Variants in RUBCN observed in about 807,000 individuals in gnomAD.
RUBCN encodes run domain Beclin-1-interacting and cysteine-rich domain-containing protein.
In RUBCN, 74 loss-of-function variants were observed where a neutral mutation model predicts 113.2. The observed-to-expected ratio is 0.65, with a 90% confidence interval of 0.54 to 0.79. The LOEUF is 0.79. RUBCN is among the 30% of genes least tolerant of loss of function. The pLI, the probability that RUBCN is intolerant of heterozygous loss-of-function variation, is 0.00. For synonymous variants in RUBCN, 480 were observed against 490.0 expected, an observed-to-expected ratio of 0.98 and a Z score of 0.27; for missense variants, 1,109 against 1,251.7, an observed-to-expected ratio of 0.89 and a Z score of 1.72.
Position 197,672,198 on chromosome 3 carries a change from T to C in RUBCN, c.*2820A>G, listed in dbSNP as rs1353743970. 6.6e-6 allele frequency: 1 copy of C among 152,166 alleles called. No individual in the cohort carries two copies. Among genetic ancestry groups the C allele is most frequent in the African/African-American group, 2.4e-5 (1 of 41,434 alleles). The allele number at this position is 152,166 out of a possible 1,614,324, so 9.4% of individuals were successfully genotyped here. ...AAAACAGCCTCATTTAAGTGGAAAATATTTGTCTTCCACTCTTCTGCTATG... is the reference window on the plus strand; with the variant it reads ...AAAACAGCCTCATTTAAGTGGAAAACATTTGTCTTCCACTCTTCTGCTATG... On this transcript the variant is annotated 3_prime_UTR_variant, in exon 20 of 20. Coordinates refer to ENST00000296343, the MANE Select transcript of RUBCN (RefSeq NM_014687.4).
intron 7 of RUBCN, chr3:197,699,291 G>A: frequency 8.0e-6 from 10 of 1,257,530 alleles, no homozygotes; most frequent in Admixed American, 4.3e-5. Context: ...AATACAGAGA[G>A]AGAAAAAAAG....
At position 197,674,913 on chromosome 3, in the gene RUBCN, A is replaced by ATT; in HGVS notation, c.*104_*105insAA. 1 of 960,434 alleles carries ATT rather than the reference A, an allele frequency of 1.0e-6. No homozygotes were observed. The highest frequency in any genetic ancestry group is 1.5e-6 in the Non-Finnish European group (1 of 682,256). 59.5% of individuals were successfully genotyped at this position (960,434 alleles called of 1,614,324 possible). On this transcript the variant is annotated 3_prime_UTR_variant, in exon 20 of 20. Coordinates refer to ENST00000296343, the MANE Select transcript of RUBCN (RefSeq NM_014687.4). ...AAAAAAAAGATGATGATAATTAAAA[A>ATT]AAAAAAAAAAAAAAGAAGCCCCAGG...
At chr3:197,676,360 C>T in intron 18 of RUBCN, 1 of 1,004,022 alleles carries the variant, frequency 1.0e-6, no homozygotes, top group Non-Finnish European at 1.2e-6. Flanking sequence ...GTCGCTCAGG[C>T]TGGAGTGCAG....
At chr3:197,712,371 C>T (rs984568155) in intron 2 of RUBCN, among the ~76,000 whole-genome samples, 1 of 152,156 alleles carries the variant, frequency 6.6e-6, no homozygotes, top group Non-Finnish European at 1.5e-5. Flanking sequence ...CATTCCATAA[C>T]GCATCCTCCT....
intron 11 of RUBCN, among the ~76,000 whole-genome samples, chr3:197,692,076 AC>A (rs1367117766): frequency 6.6e-6 from 1 of 151,904 alleles, no homozygotes; most frequent in Non-Finnish European, 1.5e-5. Context: ...GAAAGAACCA[AC>A]CACGTCATTA....
At position 197,701,826 on chromosome 3, in the gene RUBCN, C is replaced by CT. The variant is rs745750977; in HGVS notation, c.608dup (p.Ser204GlufsTer29). On this transcript the variant is annotated frameshift_variant, in exon 6 of 20. Transcript: ENST00000296343. LOFTEE classifies it high-confidence loss of function. ...TGGGCAGGGCTGTCAGGCTCTGGCT[C>CT]TTTGTCACCAGGAGCGGGCTCTCGT... The CT allele has an allele frequency of 6.2e-7, 1 of 1,614,170 alleles. No homozygotes were observed. Among genetic ancestry groups the CT allele is most frequent in the Admixed American group, 1.7e-5 (1 of 60,030 alleles).
chr3:197,709,182 G>A (rs143869651), intron 2 of RUBCN, among the ~76,000 whole-genome samples: 145 of 152,188 alleles, frequency 9.5e-4, no homozygotes, highest in African/African-American at 3.4e-3. Context: ...CCCTCACTTC[G>A]TCAATCAGTT....
At chr3:197,696,675 C>T (rs1024188419) in intron 8 of RUBCN, among the ~76,000 whole-genome samples, 1 of 152,194 alleles carries the variant, frequency 6.6e-6, no homozygotes, top group Non-Finnish European at 1.5e-5. Flanking sequence ...TCCATCTCAT[C>T]CACTCAGAGA....
At chr3:197,713,095 G>A (rs557800548) in intron 2 of RUBCN, among the ~76,000 whole-genome samples, 19 of 152,270 alleles carry the variant, frequency 1.2e-4, no homozygotes, top group African/African-American at 4.1e-4. Context: ...CTGACCTCAG[G>A]TGATCTGCCC....
chr3:197,741,878 G>C (rs1212390747), upstream of RUBCN, among the ~76,000 whole-genome samples: 11 of 151,184 alleles, frequency 7.3e-5, no homozygotes, highest in Admixed American at 1.3e-4. Context: ...TGCCAGCCAC[G>C]AACGGTGGAT....
chr3:197,686,173 G>A (rs1009209107), intron 11 of RUBCN, among the ~76,000 whole-genome samples: 1 of 152,146 alleles, frequency 6.6e-6, no homozygotes, highest in Non-Finnish European at 1.5e-5. Context: ...CAGACAGGTG[G>A]TAATTCATGG....
In RUBCN at chr3:197,681,059, G is replaced by C. The variant is rs1464344455; in HGVS notation, c.2430+70C>G. ...GAGGGGATGGGGGGAGGGGACGGGG[G>C]AGGGACGAGGGGAGGGGATGAGGGG... is the stretch of plus-strand genomic sequence containing the variant. On this transcript the variant is annotated intron_variant, in intron 16 of 19. Transcript: ENST00000296343. The surrounding 1 kb of genome is among the most constrained non-coding windows in gnomAD (Gnocchi z 5.5). 1.3e-5 allele frequency: 10 copies of C among 784,670 alleles called. No homozygotes were observed. Among genetic ancestry groups the C allele is most frequent in the Non-Finnish European group, 2.1e-5 (10 of 478,850 alleles). The allele number at this position is 784,670 out of a possible 1,614,324, so 48.6% of individuals were successfully genotyped here. A position where few individuals can be genotyped will look rare whatever the true frequency, so the allele number is the denominator to read the frequency against.
chr3:197,691,091 A>C, intron 11 of RUBCN: 2 of 1,289,508 alleles, frequency 1.6e-6, no homozygotes, highest in Non-Finnish European at 2.0e-6. Flanking sequence ...CATCGAGGCC[A>C]GTGACACTGA....
Position 197,683,571 on chromosome 3 carries a change from A to C in RUBCN, c.1848-132T>G. 2.1e-6 allele frequency: 2 copies of C among 973,476 alleles called. No homozygotes were observed. The highest frequency in any genetic ancestry group is 3.2e-6 in the Non-Finnish European group (2 of 626,936). The allele number at this position is 973,476 out of a possible 1,614,324, so 60.3% of individuals were successfully genotyped here. A position where few individuals can be genotyped will look rare whatever the true frequency, so the allele number is the denominator to read the frequency against. ...ACACCCGCAGCACCCTGGCCTGCTC[A>C]TCACCCTCACACATGGGACAGTCAA... On this transcript the variant is annotated intron_variant, in intron 12 of 19. Transcript: ENST00000296343. The surrounding 1 kb of genome is among the most constrained non-coding windows in gnomAD (Gnocchi z 4.6).
chr3:197,704,544 G>A lies in RUBCN; in HGVS notation c.461C>T (p.Thr154Ile). The A allele has an allele frequency of 1.2e-6, 2 of 1,614,140 alleles. No individual in the cohort carries two copies. The highest frequency in any genetic ancestry group is 1.7e-6 in the Non-Finnish European group (2 of 1,179,962). ...GDRQYIRKFY[T>I]DAAFLLSDAH... ...AGTCCTAAGTGGCCTCTACCTACCT[G>A]TGTAGAATTTTCTGATATACTGTCT... is the stretch of plus-strand genomic sequence containing the variant. The change falls in exon 4 of 20, where the codon ACA (threonine) becomes ATA (isoleucine). Residue 154 changes from threonine to isoleucine, a missense_variant and splice_region_variant. Coordinates refer to ENST00000296343, the MANE Select transcript of RUBCN (RefSeq NM_014687.4).
chr3:197,747,868 G>A (rs1728817226), intron 1 of RUBCN, among the ~76,000 whole-genome samples: 1 of 151,548 alleles, frequency 6.6e-6, no homozygotes, highest in South Asian at 2.1e-4. Flanking sequence ...AATAACTAAA[G>A]TCAGTGAAAA....
At position 197,683,488 on chromosome 3, in the gene RUBCN, G is replaced by T; in HGVS notation, c.1848-49C>A. The T allele has an allele frequency of 6.2e-7, 1 of 1,608,334 alleles. No individual in the cohort carries two copies. Among genetic ancestry groups the T allele is most frequent in the Non-Finnish European group, 8.5e-7 (1 of 1,176,800 alleles). On this transcript the variant is annotated intron_variant, in intron 12 of 19. Coordinates refer to ENST00000296343, the MANE Select transcript of RUBCN (RefSeq NM_014687.4). The surrounding 1 kb of genome is among the most constrained non-coding windows in gnomAD (Gnocchi z 4.6). ...GGCTGAACACAGGGAAAGGATGGGC[G>T]ATGCGAGGCTTCCCTTCATGATCTC... is the stretch of plus-strand genomic sequence containing the variant.
At chr3:197,696,663 G>A (rs1723037323) in intron 8 of RUBCN, among the ~76,000 whole-genome samples, 1 of 144,450 alleles carries the variant, frequency 6.9e-6, no homozygotes, top group African/African-American at 2.8e-5. Context: ...CTCTTTTCAA[G>A]GTCCATCTCA....
At chr3:197,746,976 T>C (rs1386053945) in intron 1 of RUBCN, among the ~76,000 whole-genome samples, 2 of 151,884 alleles carry the variant, frequency 1.3e-5, no homozygotes, top group African/African-American at 2.4e-5. Flanking sequence ...TGATGCTCAA[T>C]GAATATATGA....
Sources: allele counts gnomAD v4.1 joint callset (sites outside exome capture counted in the v4.1 genomes callset), GRCh38; gene constraint gnomAD v4.1.1; non-coding constraint Gnocchi (gnomAD v3.1); transcripts MANE v1.5; gene names NCBI Gene and HGNC (gene_info 2026-07-23, HGNC 2026-07-21).